The following CHKB variants were observed in gnomAD, a reference collection of about 807,000 sequenced individuals.
The protein encoded by CHKB is choline kinase beta, also known as choline/ethanolamine kinase.
A neutral mutation model predicts 57.3 loss-of-function variants in CHKB; 45 were observed. The ratio of observed to expected loss-of-function variants is 0.79; its 90% CI spans 0.62 to 1.01. CHKB has a LOEUF of 1.01. CHKB is among the 50% of genes least tolerant of loss of function. The pLI, the probability that CHKB is intolerant of heterozygous loss-of-function variation, is 0.00. For synonymous variants in CHKB, 224 were observed against 201.8 expected, an observed-to-expected ratio of 1.11 and a Z score of -0.93; for missense variants, 517 against 502.8, an observed-to-expected ratio of 1.03 and a Z score of -0.27.
At position 50,581,494 on chromosome 22, in the gene CHKB, C is replaced by T. The variant is rs1344474297; in HGVS notation, c.507G>A (p.Thr169=). Residue 169 remains threonine, a synonymous_variant, in exon 4 of 11, where the codon ACG becomes ACA. Coordinates refer to ENST00000406938, the MANE Select transcript of CHKB (RefSeq NM_005198.5). ...REPVLSAAIA[T]KMAQFHGMEM... ...CCATGCCATGAAATTGCGCCATCTT[C>T]GTGGCAATGGCTGCTGACAACACTG... 10 of 1,613,862 alleles carry T rather than the reference C, an allele frequency of 6.2e-6. No homozygotes were observed. Among genetic ancestry groups the T allele is most frequent in the African/African-American group, 1.3e-5 (1 of 74,938 alleles).
Position 50,579,135 on chromosome 22 carries a change from C to T in CHKB, c.*46G>A. 8 of 1,564,644 alleles carry T rather than the reference C, an allele frequency of 5.1e-6. No individual in the cohort carries two copies. The highest frequency in any genetic ancestry group is 7.0e-6 in the Non-Finnish European group (8 of 1,139,942). ...GCTCGTTGTTCCTCCCTCCAAGGTC[C>T]TGCCCTGGAGGCTCCAGGAGAAATC... On this transcript the variant is annotated 3_prime_UTR_variant, in exon 11 of 11. Coordinates refer to ENST00000406938, the MANE Select transcript of CHKB (RefSeq NM_005198.5).
chr22:50,580,333 A>G (rs2070660583), intron 6 of CHKB, 25 bp downstream of exon 6: 1 of 1,613,986 alleles, frequency 6.2e-7, no homozygotes. Flanking sequence ...ATCTTGGGTT[A>G]GGAGACTCAG....
In CHKB at chr22:50,582,294, C is replaced by T; in HGVS notation, c.288G>A (p.Glu96=). The change falls in exon 2 of 11, where the codon GAG becomes GAA. Residue 96 remains glutamate, a synonymous_variant. Transcript: ENST00000406938. ...GCCGCAGAAGCACCTCCCGGGGCTC[C>T]TCGCCAACGCTGGGCAGGTGGTCCG... is the stretch of plus-strand genomic sequence containing the variant. ...SLPDHLPSVG[E]EPREVLLRLY... The T allele has an allele frequency of 6.3e-7, 1 of 1,594,244 alleles. No homozygotes were observed. Among genetic ancestry groups the T allele is most frequent in the South Asian group, 1.1e-5 (1 of 87,586 alleles).
At position 50,582,702 on chromosome 22, in the gene CHKB, T is replaced by A. The variant is rs149592688; in HGVS notation, c.80A>T (p.Lys27Met). Residue 27 changes from lysine (K) to methionine (M), a missense_variant, in exon 1 of 11, where the codon AAG becomes ATG. Coordinates refer to ENST00000406938, the MANE Select transcript of CHKB (RefSeq NM_005198.5). ...CCGTTTTGGGGTAGTGTCCGGGCAC[T>A]TAGACTGCTGCAAGCCGTCTTTGGC... The part of the protein sequence containing the change: ...CLAKDGLQQS[K>M]CPDTTPKRRR... 9.9e-6 allele frequency: 16 copies of A among 1,609,914 alleles called. No homozygotes were observed. The highest frequency in any genetic ancestry group is 1.4e-5 in the Non-Finnish European group (16 of 1,178,978).
At position 50,582,604 on chromosome 22, in the gene CHKB, C is replaced by T; in HGVS notation, c.178G>A (p.Ala60Thr). The change falls in exon 1 of 11, where the codon GCC becomes ACC. Residue 60 changes from alanine (A) to threonine (T), a missense_variant. By Grantham distance (58) the Ala-to-Thr change is moderately conservative (BLOSUM62 0). Transcript: ENST00000406938. ...YQWCREYLGG[A>T]WRRVQPEELR... ...TCCTCGGGCTGCACTCGGCGCCAGGCCCCGCCCAAGTACTCCCGGCACCAT... is the reference window on the plus strand; with the variant it reads ...TCCTCGGGCTGCACTCGGCGCCAGGTCCCGCCCAAGTACTCCCGGCACCAT... 1 of 1,610,946 alleles carries T rather than the reference C, an allele frequency of 6.2e-7. No individual in the cohort carries two copies. The highest frequency in any genetic ancestry group is 8.5e-7 in the Non-Finnish European group (1 of 1,179,228).
chr22:50,581,552 C>T lies in CHKB; in HGVS notation c.449G>A (p.Ser150Asn). The T allele has an allele frequency of 6.2e-7, 1 of 1,613,926 alleles. No individual in the cohort carries two copies. The highest frequency in any genetic ancestry group is 8.5e-7 in the Non-Finnish European group (1 of 1,180,038). Residue 150 changes from serine (S) to asparagine (N), a missense_variant and splice_region_variant, in exon 4 of 11, where the codon AGT becomes AAT. Physicochemically the swap from Ser to Asn is conservative, Grantham distance 46. Coordinates refer to ENST00000406938, the MANE Select transcript of CHKB (RefSeq NM_005198.5). ...PEGRLEQYIPSRPLKTQELRE... is the reference protein window; with the variant it reads ...PEGRLEQYIPNRPLKTQELRE... ...AAGCTCTTGAGTTTTCAATGGCCGA[C>T]TCTGCACCCAGGAAGCTATCAGGGT...
At chr22:50,579,532 G>C in intron 9 of CHKB, 25 bp from the exon 10 acceptor site, 1 of 1,611,152 alleles carries the variant, frequency 6.2e-7, no homozygotes, top group Non-Finnish European at 8.5e-7. Context: ...GGAAAAGGAG[G>C]GGCATTCAAG....
Position 50,581,448 on chromosome 22 carries a change from G to T in CHKB, c.553C>A (p.Pro185Thr). 1 of 1,613,712 alleles carries T rather than the reference G, an allele frequency of 6.2e-7. No homozygotes were observed. The highest frequency in any genetic ancestry group is 2.2e-5 in the East Asian group (1 of 44,880). ...HGMEMPFTKEPHWLFGTMERY... is the reference protein window; with the variant it reads ...HGMEMPFTKETHWLFGTMERY... ...TCCATGGTCCCAAACAGCCAGTGGG[G>T]CTCCTTGGTGAAAGGCATCTCCATG... Residue 185 changes from proline (P) to threonine (T), a missense_variant, in exon 4 of 11, where the codon CCC (proline) becomes ACC (threonine). Physicochemically the swap from Pro to Thr is conservative, Grantham distance 38. Coordinates refer to ENST00000406938, the MANE Select transcript of CHKB (RefSeq NM_005198.5).
At position 50,580,641 on chromosome 22, in the gene CHKB, C is replaced by T; in HGVS notation, c.601G>A (p.Asp201Asn). The T allele has an allele frequency of 6.2e-7, 1 of 1,614,036 alleles. No individual in the cohort carries two copies. Among genetic ancestry groups the T allele is most frequent in the Non-Finnish European group, 8.5e-7 (1 of 1,180,010 alleles). Reference protein sequence around the residue: ...TMERYLKQIQDLPPTGLPEMN... With the variant: ...TMERYLKQIQNLPPTGLPEMN... ...TCAGGGAGGCCAGTTGGGGGCAGGT[C>T]CTGGATCTGTTTTAGGTACCTGAAG... is the stretch of plus-strand genomic sequence containing the variant. Residue 201 changes from aspartate to asparagine, a missense_variant, in exon 5 of 11, where the codon GAC (aspartate) becomes AAC (asparagine). Physicochemically the swap from Asp to Asn is conservative, Grantham distance 23. Coordinates refer to ENST00000406938, the MANE Select transcript of CHKB (RefSeq NM_005198.5).
In CHKB at chr22:50,582,289, G is replaced by A. The variant is rs750678988; in HGVS notation, c.293C>T (p.Pro98Leu). ...PDHLPSVGEEPREVLLRLYGA... is the reference protein window; with the variant it reads ...PDHLPSVGEELREVLLRLYGA... ...GTACAGCCGCAGAAGCACCTCCCGG[G>A]GCTCCTCGCCAACGCTGGGCAGGTG... Residue 98 changes from proline to leucine, a missense_variant, in exon 2 of 11, where the codon CCC becomes CTC. Transcript: ENST00000406938. The A allele has an allele frequency of 1.0e-5, 16 of 1,594,634 alleles. No individual in the cohort carries two copies. The African/African-American group carries it at 2.1e-4, about 21-fold the overall frequency.
intron 10 of CHKB, 62 bp downstream of exon 10, chr22:50,579,362 AAG>A: frequency 1.3e-6 from 2 of 1,586,892 alleles, no homozygotes; most frequent in South Asian, 1.1e-5. Context: ...GGCCTCCTGG[AAG>A]AGTGTGGCTG....
chr22:50,581,446 G>C lies in CHKB; in HGVS notation c.555C>G (p.Pro185=). The change falls in exon 4 of 11, where the codon CCC becomes CCG. Residue 185 remains proline (P), a synonymous_variant. Coordinates refer to ENST00000406938, the MANE Select transcript of CHKB (RefSeq NM_005198.5). ...GCTCCATGGTCCCAAACAGCCAGTG[G>C]GGCTCCTTGGTGAAAGGCATCTCCA... The part of the protein sequence containing the change: ...HGMEMPFTKE[P]HWLFGTMERY... 2 of 1,613,634 alleles carry C rather than the reference G, an allele frequency of 1.2e-6. No homozygotes were observed. The highest frequency in any genetic ancestry group is 8.5e-7 in the Non-Finnish European group (1 of 1,179,980).
intron 3 of CHKB, 79 bp from the exon 4 acceptor site, chr22:50,581,632 G>C: frequency 6.2e-7 from 1 of 1,601,494 alleles, no homozygotes; most frequent in South Asian, 1.1e-5. Context: ...GGGAAGTCAG[G>C]GTTTTGGGGG....
chr22:50,579,359 T>G, intron 10 of CHKB, 67 bp downstream of exon 10: 1 of 1,585,226 alleles, frequency 6.3e-7, no homozygotes, highest in Non-Finnish European at 8.6e-7. Flanking sequence ...CCAGGCCTCC[T>G]GGAAGAGTGT....
rs747951384 is a variant in CHKB at position 50,579,453 on chromosome 22, G to C, written c.1086C>G (p.Ser362=). The C allele has an allele frequency of 6.2e-7, 1 of 1,613,566 alleles. No homozygotes were observed. The highest frequency in any genetic ancestry group is 8.5e-7 in the Non-Finnish European group (1 of 1,179,954). Reference sequence around the variant, plus strand: ...AGTAACCAAATTCTATGGTGGACATGGATGCCTGGAGGATGGACCACAGAC... The same window carrying C: ...AGTAACCAAATTCTATGGTGGACATCGATGCCTGGAGGATGGACCACAGAC... ...FWGLWSILQA[S]MSTIEFGYLD... Residue 362 remains serine, a synonymous_variant, in exon 10 of 11, where the codon TCC becomes TCG. Transcript: ENST00000406938.
rs766225706 is a variant in CHKB, at chr22:50,580,028, C to A, written c.873G>T (p.Glu291Asp). ...FCEWVYDYTH[E>D]EWPFYKARPT... Reference sequence around the variant, plus strand: ...GCCTTGCTTTGTAGAAAGGCCATTCCTCGTGAGTATAATCATAAACCCACT... The same window carrying A: ...GCCTTGCTTTGTAGAAAGGCCATTCATCGTGAGTATAATCATAAACCCACT... The change falls in exon 8 of 11, where the codon GAG becomes GAT. Residue 291 changes from glutamate (E) to aspartate (D), a missense_variant. Physicochemically the swap from Glu to Asp is conservative, Grantham distance 45. Transcript: ENST00000406938. 78 of 1,613,908 alleles carry A rather than the reference C, an allele frequency of 4.8e-5. No homozygotes were observed. The highest frequency in any genetic ancestry group is 6.4e-5 in the Non-Finnish European group (75 of 1,180,030).
In CHKB at chr22:50,579,727, C is replaced by T. The variant is rs766320982; in HGVS notation, c.1031G>A (p.Arg344Gln). 4 of 1,613,546 alleles carry T rather than the reference C, an allele frequency of 2.5e-6. No individual in the cohort carries two copies. The highest frequency in any genetic ancestry group is 1.7e-4 in the Middle Eastern group (1 of 6,060). ...LEEDLLVEVS[R>Q]YALASHFFWG... The stretch of plus-strand genomic sequence containing the variant: ...CCCCACCCTGCCCCTCCTTCCTCAC[C>T]GACTGACTTCTACCAGCAAATCTTC... Residue 344 changes from arginine to glutamine, a missense_variant and splice_region_variant, in exon 9 of 11, where the codon CGG (arginine) becomes CAG (glutamine). Coordinates refer to ENST00000406938, the MANE Select transcript of CHKB (RefSeq NM_005198.5).
intron 4 of CHKB, among the ~76,000 whole-genome samples, chr22:50,581,118 T>C (rs921585133): frequency 1.3e-5 from 2 of 151,892 alleles, no homozygotes; most frequent in African/African-American, 4.8e-5. Context: ...TGTTTGGTGT[T>C]TTGAGACAGA....
Position 50,580,043 on chromosome 22 carries a change from A to G in CHKB, c.858T>C (p.Tyr286=), listed in dbSNP as rs761289961. The part of the protein sequence containing the change: ...DIGNHFCEWV[Y]DYTHEEWPFY... Reference sequence around the variant, plus strand: ...AAGGCCATTCCTCGTGAGTATAATCATAAACCCACTCACAAAAATGGTTCC... The same window carrying G: ...AAGGCCATTCCTCGTGAGTATAATCGTAAACCCACTCACAAAAATGGTTCC... The change falls in exon 8 of 11, where the codon TAT becomes TAC. Residue 286 remains tyrosine, a synonymous_variant. Transcript: ENST00000406938. 4.3e-6 allele frequency: 7 copies of G among 1,614,018 alleles called. No homozygotes were observed. Among genetic ancestry groups the G allele is most frequent in the South Asian group, 1.1e-5 (1 of 91,090 alleles).
Sources: allele counts gnomAD v4.1 joint callset (sites outside exome capture counted in the v4.1 genomes callset), GRCh38; gene constraint gnomAD v4.1.1; transcripts MANE v1.5; gene names NCBI Gene and HGNC (gene_info 2026-07-23, HGNC 2026-07-21).